SNX24: variants seen among roughly 807,000 people sequenced by gnomAD.
SNX24 encodes the protein sorting nexin 24.
Under a neutral mutation model 28.7 loss-of-function variants are expected in SNX24, and 22 were observed. The ratio of observed to expected loss-of-function variants is 0.77; its 90% CI spans 0.55 to 1.10. The LOEUF is 1.10. Among genes scored for constraint, SNX24 ranks in the 50% least tolerant of loss-of-function variants. The pLI is 0.00. For missense variants in SNX24, 221 were observed against 201.1 expected (o/e 1.10, Z -0.60); for synonymous variants, 69 against 71.5 (o/e 0.96, Z 0.18).
chr5:122,941,436 GT>G (rs1759440118), intron 2 of SNX24, among the ~76,000 whole-genome samples: 1 of 152,132 alleles, frequency 6.6e-6, no homozygotes, highest in Admixed American at 6.5e-5. Context: ...TCTTTGCCAT[GT>G]CGAATGTCTT....
At chr5:122,957,165 C>T (rs184037808) in intron 3 of SNX24, among the ~76,000 whole-genome samples, 2 of 152,248 alleles carry the variant, frequency 1.3e-5, no homozygotes, top group African/African-American at 2.4e-5. Context: ...CATTTAGGCT[C>T]TGGATCCATT....
At chr5:122,994,048 G>T (rs1244258012) in intron 3 of SNX24, among the ~76,000 whole-genome samples, 1 of 152,132 alleles carries the variant, frequency 6.6e-6, no homozygotes, top group African/African-American at 2.4e-5. Flanking sequence ...AAGTGTGTGT[G>T]TGTGTATGTG....
At chr5:122,932,455 T>C (rs1253940680) in intron 1 of SNX24, among the ~76,000 whole-genome samples, 1 of 152,078 alleles carries the variant, frequency 6.6e-6, no homozygotes, top group Admixed American at 6.5e-5. Flanking sequence ...TTCAGCAACA[T>C]AGCTAAATAA....
At chr5:123,022,202 T>C (rs1264678296) in intron 5 of SNX24, 1 of 152,166 alleles carries the variant, frequency 6.6e-6, no homozygotes, top group African/African-American at 2.4e-5. Flanking sequence ...TCAAAAAATA[T>C]TTGTTGGAAA....
intron 1 of SNX24, among the ~76,000 whole-genome samples, chr5:122,932,224 T>C (rs1436411914): frequency 2.0e-5 from 3 of 152,244 alleles, no homozygotes; most frequent in Non-Finnish European, 4.4e-5. Context: ...TGTTTTGTTA[T>C]GCAAACCTGA....
chr5:122,936,706 T>C (rs1016407668), intron 1 of SNX24, 28 bp from the exon 2 acceptor site: 1 of 1,294,530 alleles, frequency 7.7e-7, no homozygotes, highest in African/African-American at 1.5e-5. Context: ...TGAACTAATA[T>C]AATTAATCTT....
chr5:122,995,318 A>G (rs1762014808), intron 3 of SNX24, among the ~76,000 whole-genome samples: 2 of 152,214 alleles, frequency 1.3e-5, no homozygotes, highest in Non-Finnish European at 2.9e-5. Flanking sequence ...TTAACTTAAA[A>G]GATCATTATC....
At chr5:122,931,311 A>G (rs1014138797) in intron 1 of SNX24, among the ~76,000 whole-genome samples, 2 of 152,150 alleles carry the variant, frequency 1.3e-5, no homozygotes, top group Non-Finnish European at 2.9e-5. Flanking sequence ...GTACTTAGAA[A>G]TCGAATATCA....
chr5:122,989,007 G>A (rs1401422164), intron 3 of SNX24, among the ~76,000 whole-genome samples: 2 of 151,994 alleles, frequency 1.3e-5, no homozygotes, highest in Admixed American at 6.5e-5. Context: ...TACTAAAGCA[G>A]TAAATTAAAA....
At chr5:122,962,865 A>T (rs1410042791) in intron 3 of SNX24, among the ~76,000 whole-genome samples, 1 of 152,208 alleles carries the variant, frequency 6.6e-6, no homozygotes, top group East Asian at 1.9e-4. Context: ...TGATTTTTAA[A>T]AATACCTTCA....
intron 3 of SNX24, among the ~76,000 whole-genome samples, chr5:122,962,258 A>G (rs756441629): frequency 7.9e-5 from 12 of 152,156 alleles, no homozygotes; most frequent in African/African-American, 2.9e-4. Flanking sequence ...AGAACAATGC[A>G]TGATATTTCT....
In SNX24 at chr5:122,916,410, C is replaced by G. The variant is rs759946015; in HGVS notation, c.61-20324C>G. Among the ~76,000 whole-genome samples, 140 of 152,206 alleles carry G rather than the reference C, an allele frequency of 9.2e-4. 1 individual carries two copies. The highest frequency in any genetic ancestry group is 2.9e-4 in the Non-Finnish European group (20 of 68,040). On this transcript the variant is annotated intron_variant, in intron 1 of 6. Transcript: ENST00000261369. ...TTTATCCTGGGGGGCCTGCTTTGTT[C>G]TGTTGGCATCATAAAGCTAGAAGTT... is the stretch of plus-strand genomic sequence containing the variant.
chr5:122,936,755 A>G lies in SNX24; in HGVS notation c.82A>G (p.Met28Val). 6.2e-7 allele frequency: 1 copy of G among 1,603,132 alleles called. No individual in the cohort carries two copies. Among genetic ancestry groups the G allele is most frequent in the South Asian group, 1.1e-5 (1 of 90,146 alleles). Reference protein sequence around the residue: ...GYTVFKIEVLMNGRKHFVEKR... With the variant: ...GYTVFKIEVLVNGRKHFVEKR... ...TCAGGTGTTTAAGATAGAAGTGCTA[A>G]TGAATGGAAGAAAACATTTTGTTGA... is the stretch of plus-strand genomic sequence containing the variant. The change falls in exon 2 of 7, where the codon ATG becomes GTG. Residue 28 changes from methionine to valine, a missense_variant. Coordinates refer to ENST00000261369, the MANE Select transcript of SNX24 (RefSeq NM_014035.4).
chr5:123,000,576 C>CA (rs992174136), intron 4 of SNX24, among the ~76,000 whole-genome samples: 1 of 152,202 alleles, frequency 6.6e-6, no homozygotes, highest in South Asian at 2.1e-4. Context: ...GGCAGGACTA[C>CA]AAATCCTAAT....
intron 3 of SNX24, among the ~76,000 whole-genome samples, chr5:122,975,987 G>A (rs761359361): frequency 6.6e-6 from 1 of 152,064 alleles, no homozygotes; most frequent in African/African-American, 2.4e-5. Context: ...TGTATGTAAG[G>A]CATTTTCATT....
intron 1 of SNX24, among the ~76,000 whole-genome samples, chr5:122,861,928 A>T (rs1164263384): frequency 6.6e-6 from 1 of 152,092 alleles, no homozygotes; most frequent in Non-Finnish European, 1.5e-5. Context: ...TCATCTGATT[A>T]TTGAGGTTAC....
intron 1 of SNX24, among the ~76,000 whole-genome samples, chr5:122,859,230 G>T (rs1331960688): frequency 6.6e-6 from 1 of 152,150 alleles, no homozygotes; most frequent in Non-Finnish European, 1.5e-5. Context: ...TCAGTCTCGG[G>T]TACTCAGGAG....
At chr5:123,011,372 G>A (rs1414406173), downstream of SNX24, among the ~76,000 whole-genome samples, 1 of 152,060 alleles carries the variant, frequency 6.6e-6, no homozygotes, top group African/African-American at 2.4e-5. Context: ...GGCAGCCCTC[G>A]TGTCCTTTCT....
At position 122,880,661 on chromosome 5, in the gene SNX24, T is replaced by C. The variant is rs149943759; in HGVS notation, c.60+34968T>C. On this transcript the variant is annotated intron_variant, in intron 1 of 6. Coordinates refer to ENST00000261369, the MANE Select transcript of SNX24 (RefSeq NM_014035.4). ...TATCAGAAAAGAACAATGTTTTGTGTTGTGGTCAAAATAGAAGCCGACCTT... is the reference window on the plus strand; with the variant it reads ...TATCAGAAAAGAACAATGTTTTGTGCTGTGGTCAAAATAGAAGCCGACCTT... 6.6e-3 allele frequency among the ~76,000 whole-genome samples: 998 copies of C among 152,334 alleles called. 12 individuals carry two copies. The highest frequency in any genetic ancestry group is 0.022 in the African/African-American group (914 of 41,568).
Sources: allele counts gnomAD v4.1 joint callset (sites outside exome capture counted in the v4.1 genomes callset), GRCh38; gene constraint gnomAD v4.1.1; transcripts MANE v1.5; gene names NCBI Gene and HGNC (gene_info 2026-07-23, HGNC 2026-07-21).